The following FER variants were observed in gnomAD, a reference collection of about 807,000 sequenced individuals.
FER encodes tyrosine-protein kinase Fer.
Under a neutral mutation model 111.0 loss-of-function variants are expected in FER, and 63 were observed. The observed-to-expected ratio is 0.57, with a 90% CI of 0.46 to 0.70. FER has a LOEUF of 0.70. Ranked by LOEUF, FER falls within the 30% of genes least tolerant of loss-of-function variation. The probability of loss-of-function intolerance (pLI) is 0.00; values close to 1 mark genes in which losing one functional copy is unlikely to be tolerated. For synonymous variants in FER, 327 were observed against 313.9 expected (o/e 1.04, Z -0.44); for missense variants, 914 against 954.0 (o/e 0.96, Z 0.55).
chr5:108,964,554 A>G (rs1045138677), intron 13 of FER, among the ~76,000 whole-genome samples: 1 of 152,186 alleles, frequency 6.6e-6, no homozygotes, highest in African/African-American at 2.4e-5. Flanking sequence ...AGAGGTTAGT[A>G]TGGCTGAAGC....
chr5:108,864,211 G>A (rs1401124310), intron 5 of FER, among the ~76,000 whole-genome samples: 2 of 152,178 alleles, frequency 1.3e-5, no homozygotes, highest in Non-Finnish European at 2.9e-5. Context: ...GAAGTCAGTG[G>A]TGATTCTAGT....
chr5:109,073,995 A>G (rs866377463), intron 16 of FER, among the ~76,000 whole-genome samples: 3 of 152,142 alleles, frequency 2.0e-5, no homozygotes, highest in Non-Finnish European at 4.4e-5. Flanking sequence ...TTCGTATCTT[A>G]TAAACACTTA....
At chr5:108,754,452 A>AT (rs1750860907) in intron 1 of FER, among the ~76,000 whole-genome samples, 1 of 151,718 alleles carries the variant, frequency 6.6e-6, no homozygotes, top group Admixed American at 6.6e-5. Context: ...TATTGTTAGT[A>AT]ACAAGTACTG....
At chr5:108,984,619 A>G (rs115328365) in intron 13 of FER, among the ~76,000 whole-genome samples, 1,716 of 152,124 alleles carry the variant, frequency 0.011, 27 homozygotes, top group African/African-American at 0.039. Flanking sequence ...TGAATATAAT[A>G]CAGTACTTAA....
chr5:109,029,845 T>C (rs1769343762), intron 13 of FER, among the ~76,000 whole-genome samples: 2 of 152,288 alleles, frequency 1.3e-5, no homozygotes, highest in Middle Eastern at 3.4e-3. Flanking sequence ...GTCAGCTTCT[T>C]GTTTGTAGAT....
At chr5:109,124,454 T>C (rs1453619079) in intron 17 of FER, among the ~76,000 whole-genome samples, 3 of 152,218 alleles carry the variant, frequency 2.0e-5, no homozygotes, top group African/African-American at 7.2e-5. Context: ...CTTCGTAAAT[T>C]GCCCAGAATG....
At chr5:108,791,154 T>A (rs1755322811) in intron 2 of FER, among the ~76,000 whole-genome samples, 1 of 152,208 alleles carries the variant, frequency 6.6e-6, no homozygotes, top group Non-Finnish European at 1.5e-5. Context: ...TTTGGTCGGG[T>A]ATATACCTGG....
chr5:108,748,873 A>T (rs906669572), intron 1 of FER: 2 of 152,810 alleles, frequency 1.3e-5, no homozygotes, highest in African/African-American at 2.4e-5. Context: ...CGGAGACCGG[A>T]GTGCAGCGGG....
rs1759251979 is a variant in FER, at chr5:109,189,858, T to C, written c.*2283T>C. On this transcript the variant is annotated 3_prime_UTR_variant, in exon 20 of 20. Coordinates refer to ENST00000281092, the MANE Select transcript of FER (RefSeq NM_005246.4). ...GAACACAGCATTGATATTTCACTTATCCAGGCTGTTAGAATTTGCAGTTCA... is the reference window on the plus strand; with the variant it reads ...GAACACAGCATTGATATTTCACTTACCCAGGCTGTTAGAATTTGCAGTTCA... 6.6e-6 allele frequency: 1 copy of C among 152,170 alleles called. No homozygotes were observed. The highest frequency in any genetic ancestry group is 2.4e-5 in the African/African-American group (1 of 41,454). 9.4% of individuals were successfully genotyped at this position (152,170 alleles called of 1,614,324 possible).
chr5:108,822,738 AT>A (rs1356874698), intron 3 of FER, among the ~76,000 whole-genome samples: 24 of 140,350 alleles, frequency 1.7e-4, no homozygotes, highest in African/African-American at 6.0e-4. Context: ...ATTTTATTTT[AT>A]TTTATTTTAT....
At chr5:108,845,008 A>G (rs1183178956) in intron 5 of FER, among the ~76,000 whole-genome samples, 70 of 24,690 alleles carry the variant, frequency 2.8e-3, no homozygotes, top group Middle Eastern at 0.02. Context: ...ATATATATAT[A>G]TATATATATA....
At chr5:109,183,489 T>G (rs1419336907) in intron 18 of FER, among the ~76,000 whole-genome samples, 1 of 152,182 alleles carries the variant, frequency 6.6e-6, no homozygotes, top group African/African-American at 2.4e-5. Flanking sequence ...CCTCTGGTGA[T>G]CCACCCGCCT....
chr5:109,058,719 TCTTTC>T (rs1773967070), intron 16 of FER, among the ~76,000 whole-genome samples: 1 of 137,554 alleles, frequency 7.3e-6, no homozygotes, highest in African/African-American at 2.8e-5. Context: ...TTTCTTTCTT[TCTTTC>T]TTTTTTTTTT....
Position 108,883,480 on chromosome 5 carries a change from A to C in FER, c.1008A>C (p.Arg336Ser). Residue 336 changes from arginine to serine, a missense_variant, in exon 9 of 20, where the codon AGA (arginine) becomes AGC (serine). Arg to Ser is a moderately radical substitution (Grantham distance 110). Transcript: ENST00000281092. ...KEEAVLELEK[R>S]IEESSETCEK... ...AGGCTGTTTTGGAGTTAGAGAAGAG[A>C]ATTGAAGAATCTTCTGAAACTTGTG... is the stretch of plus-strand genomic sequence containing the variant. 3 of 1,607,674 alleles carry C rather than the reference A, an allele frequency of 1.9e-6. No homozygotes were observed. The highest frequency in any genetic ancestry group is 2.6e-6 in the Non-Finnish European group (3 of 1,175,952).
rs1243773127 is a variant in FER at position 108,814,736 on chromosome 5, G to A, written c.207+16347G>A. Among the ~76,000 whole-genome samples, 5 of 152,140 alleles carry A rather than the reference G, an allele frequency of 3.3e-5. No homozygotes were observed. The South Asian group carries it at 8.3e-4, about 25-fold the overall frequency. On this transcript the variant is annotated intron_variant, in intron 3 of 19. Coordinates refer to ENST00000281092, the MANE Select transcript of FER (RefSeq NM_005246.4). ...TTCTGGGCATGCAGCTCAGCAAGTC[G>A]CAGCCTCATTTTTCCTAGCCCTCAC...
chr5:109,137,823 C>T (rs1018114066), intron 17 of FER, among the ~76,000 whole-genome samples: 4 of 152,174 alleles, frequency 2.6e-5, no homozygotes, highest in African/African-American at 9.7e-5. Flanking sequence ...CAGTCCCACT[C>T]CAATCTTCAG....
intron 13 of FER, among the ~76,000 whole-genome samples, chr5:109,018,245 G>GT (rs1220554715): frequency 6.6e-6 from 1 of 151,764 alleles, no homozygotes; most frequent in East Asian, 1.9e-4. Context: ...TGACTAGAAA[G>GT]TATCAGTATC....
intron 13 of FER, among the ~76,000 whole-genome samples, chr5:108,986,538 T>G (rs6867147): frequency 0.19 from 28,143 of 151,960 alleles, 2,804 homozygotes; most frequent in Non-Finnish European, 0.22. Context: ...TGTCTAGAAG[T>G]GTTTTTCTGA....
At chr5:108,761,783 G>T (rs570384916) in intron 1 of FER, among the ~76,000 whole-genome samples, 1 of 152,224 alleles carries the variant, frequency 6.6e-6, no homozygotes, top group East Asian at 1.9e-4. Flanking sequence ...CAGCTATTTT[G>T]CTTATTAAGA....
Sources: gnomAD v4.1 joint callset for allele counts (sites outside exome capture counted in the v4.1 genomes callset) on GRCh38, gnomAD v4.1.1 for gene constraint, MANE v1.5 for transcripts, NCBI Gene and HGNC (gene_info 2026-07-23, HGNC 2026-07-21) for gene names.